The following BCL2 variants were observed in gnomAD, a reference collection of about 807,000 sequenced individuals.
BCL2 encodes the protein BCL2 apoptosis regulator.
In BCL2, 1 loss-of-function variant was observed where a neutral mutation model predicts 14.2. That is an observed-to-expected ratio of 0.07 (90% CI 0.02 to 0.33). BCL2 has a LOEUF of 0.33. BCL2 is among the 10% of genes least tolerant of loss of function. The pLI is 0.99. For synonymous variants in BCL2, 151 were observed against 137.2 expected (o/e 1.10, Z -0.70); for missense variants, 247 against 305.9 (o/e 0.81, Z 1.44).
At position 63,254,409 on chromosome 18, in the gene BCL2, A is replaced by AAAAAAG. The variant is rs1555704362; in HGVS notation, c.585+63672_585+63673insCTTTTT. On this transcript the variant is annotated intron_variant, in intron 2 of 2. Coordinates refer to ENST00000333681, the MANE Select transcript of BCL2 (RefSeq NM_000633.3). ...AAAAAAAAAAAAAAAAAAAAAAAAA[A>AAAAAAG]GCTGGGTGTGGTGGTGCACTCCTGT... Among the ~76,000 whole-genome samples the AAAAAAG allele has an allele frequency of 2.0e-5, 3 of 149,414 alleles. No individual in the cohort carries two copies. In the Admixed American group the frequency reaches 2.0e-4, roughly 10 times the overall value.
At chr18:63,282,163 G>C (rs1176512629) in intron 2 of BCL2, among the ~76,000 whole-genome samples, 1 of 152,096 alleles carries the variant, frequency 6.6e-6, no homozygotes, top group African/African-American at 2.4e-5. Context: ...TAATTAAAAG[G>C]GCATAAATGT....
chr18:63,260,893 C>T (rs1911639621), intron 2 of BCL2, among the ~76,000 whole-genome samples: 1 of 152,082 alleles, frequency 6.6e-6, no homozygotes, highest in Non-Finnish European at 1.5e-5. Context: ...TAGATAAGAA[C>T]AGTATTACAT....
chr18:63,304,781 C>T (rs1913070721), intron 2 of BCL2, among the ~76,000 whole-genome samples: 1 of 152,114 alleles, frequency 6.6e-6, no homozygotes. Context: ...GGAAGAGCAA[C>T]ATTTACAGGA....
At chr18:63,171,806 C>T (rs1199495778) in intron 2 of BCL2, among the ~76,000 whole-genome samples, 2 of 152,144 alleles carry the variant, frequency 1.3e-5, no homozygotes, top group African/African-American at 4.8e-5. Flanking sequence ...AAGACCTTGT[C>T]TCTACAAAAA....
At position 63,149,864 on chromosome 18, in the gene BCL2, T is replaced by C. The variant is rs991322559; in HGVS notation, c.586-21105A>G. On this transcript the variant is annotated intron_variant, in intron 2 of 2. Transcript: ENST00000333681. This position sits in a 1 kb window ranked among gnomAD's most constrained non-coding sequence, Gnocchi z 4.2. The stretch of plus-strand genomic sequence containing the variant: ...TGAGGCATTTATTTATTTATTTATT[T>C]ATTTATTTATTTATTTATTTATTTA... 5.3e-5 allele frequency among the ~76,000 whole-genome samples: 8 copies of C among 150,080 alleles called. No individual in the cohort carries two copies. Among genetic ancestry groups the C allele is most frequent in the African/African-American group, 2.0e-4 (8 of 40,214 alleles).
At chr18:63,299,037 T>C (rs1238915328) in intron 2 of BCL2, among the ~76,000 whole-genome samples, 1 of 152,182 alleles carries the variant, frequency 6.6e-6, no homozygotes, top group Non-Finnish European at 1.5e-5. Context: ...CAAGCCTCAG[T>C]GTTCTCATCT....
chr18:63,304,692 G>A (rs553148439), intron 2 of BCL2, among the ~76,000 whole-genome samples: 114 of 152,178 alleles, frequency 7.5e-4, no homozygotes, highest in Admixed American at 3.7e-3. Context: ...ATCCACCCAC[G>A]TATCAAGCCT....
intron 2 of BCL2, among the ~76,000 whole-genome samples, chr18:63,153,445 A>C: frequency 6.6e-6 from 1 of 152,348 alleles, no homozygotes; most frequent in East Asian, 1.9e-4. Flanking sequence ...TAGCTTACAG[A>C]AAATGCATAT....
chr18:63,158,183 G>T (rs1914832031), intron 2 of BCL2, among the ~76,000 whole-genome samples: 1 of 152,142 alleles, frequency 6.6e-6, no homozygotes, highest in Non-Finnish European at 1.5e-5. Flanking sequence ...CAAGCTGGAG[G>T]AGCAGACTGA....
chr18:63,138,477 G>A (rs1422479543), intron 2 of BCL2, among the ~76,000 whole-genome samples: 2 of 152,234 alleles, frequency 1.3e-5, no homozygotes, highest in Admixed American at 6.5e-5. Flanking sequence ...GGGTTTGGGG[G>A]AAAAGGAAAG....
chr18:63,274,933 G>C (rs1317184366), intron 2 of BCL2, among the ~76,000 whole-genome samples: 2 of 152,074 alleles, frequency 1.3e-5, no homozygotes, highest in Non-Finnish European at 2.9e-5. Context: ...TTACATTTGG[G>C]TCCTACATTC....
At chr18:63,292,308 G>A (rs527423443) in intron 2 of BCL2, among the ~76,000 whole-genome samples, 180 of 151,946 alleles carry the variant, frequency 1.2e-3, no homozygotes, top group Non-Finnish European at 1.6e-3. Flanking sequence ...AGCTTGCCTG[G>A]GACCATCCTG....
chr18:63,168,897 A>G (rs542140260), intron 2 of BCL2, among the ~76,000 whole-genome samples: 1 of 152,238 alleles, frequency 6.6e-6, no homozygotes, highest in Non-Finnish European at 1.5e-5. Flanking sequence ...GCCATTCTCA[A>G]CAACTAACTA....
chr18:63,148,427 T>A (rs1227925723), intron 2 of BCL2, among the ~76,000 whole-genome samples: 4 of 152,102 alleles, frequency 2.6e-5, no homozygotes, highest in African/African-American at 4.8e-5. Context: ...AAATCTAATT[T>A]AAAAAATTAC....
intron 2 of BCL2, among the ~76,000 whole-genome samples, chr18:63,289,000 G>T (rs1031189268): frequency 5.9e-5 from 9 of 152,156 alleles, no homozygotes; most frequent in Admixed American, 5.2e-4. Flanking sequence ...ATGAATGAAT[G>T]AAGCTAGGAG....
intron 2 of BCL2, among the ~76,000 whole-genome samples, chr18:63,269,424 T>G (rs1318312898): frequency 6.6e-6 from 1 of 152,072 alleles, no homozygotes; most frequent in Non-Finnish European, 1.5e-5. Flanking sequence ...TAACAGACTC[T>G]CACCTTTCTC....
intron 2 of BCL2, among the ~76,000 whole-genome samples, chr18:63,154,971 C>T (rs1914735777): frequency 2.0e-5 from 3 of 152,220 alleles, no homozygotes; most frequent in Non-Finnish European, 4.4e-5. Context: ...CCTTCTGGGA[C>T]TGGAATGGCA....
chr18:63,170,872 A>T (rs1177870665), intron 2 of BCL2, among the ~76,000 whole-genome samples: 1 of 152,240 alleles, frequency 6.6e-6, no homozygotes, highest in East Asian at 1.9e-4. Context: ...GACTGTCAAC[A>T]GTTGGCTGGA....
At chr18:63,312,036 T>A (rs1325759952) in intron 2 of BCL2, among the ~76,000 whole-genome samples, 1 of 152,254 alleles carries the variant, frequency 6.6e-6, no homozygotes, top group Non-Finnish European at 1.5e-5. Flanking sequence ...GGTTAAAGTT[T>A]ATAATCACTA....
Sources: allele counts gnomAD v4.1 joint callset (sites outside exome capture counted in the v4.1 genomes callset), GRCh38; gene constraint gnomAD v4.1.1; non-coding constraint Gnocchi (gnomAD v3.1); transcripts MANE v1.5; gene names NCBI Gene and HGNC (gene_info 2026-07-23, HGNC 2026-07-21).